Variants in SETD5 observed in about 807,000 individuals in gnomAD.
The protein encoded by SETD5 is SET domain containing 5.
Under a neutral mutation model 153.3 loss-of-function variants are expected in SETD5, and 44 were observed. The ratio of observed to expected loss-of-function variants is 0.29; its 90% CI spans 0.23 to 0.37. The LOEUF is 0.37. Among genes scored for constraint, SETD5 ranks in the 10% least tolerant of loss-of-function variants. The pLI, the probability that SETD5 is intolerant of heterozygous loss-of-function variation, is 1.00. For synonymous variants in SETD5, 716 were observed against 645.2 expected (o/e 1.11, Z -1.66); for missense variants, 1,544 against 1,768.0 (o/e 0.87, Z 2.27).
chr3:9,470,058 T>A (rs748798003), intron 18 of SETD5, among the ~76,000 whole-genome samples: 2 of 152,168 alleles, frequency 1.3e-5, no homozygotes, highest in Admixed American at 6.5e-5. Context: ...AAGCCAGTTA[T>A]CTTAAGACAC....
intron 3 of SETD5, among the ~76,000 whole-genome samples, chr3:9,432,076 C>A (rs1467827632): frequency 1.3e-5 from 2 of 151,980 alleles, no homozygotes; most frequent in Admixed American, 6.6e-5. Context: ...GAAACCCCAC[C>A]TGTTTCCTAA....
chr3:9,457,705 A>G (rs975153697), intron 17 of SETD5, among the ~76,000 whole-genome samples: 18 of 150,124 alleles, frequency 1.2e-4, no homozygotes, highest in Non-Finnish European at 2.2e-4. Context: ...TTACTGAGAA[A>G]TATTTTTAAA....
chr3:9,400,338 C>T (rs1220928180), intron 1 of SETD5, among the ~76,000 whole-genome samples: 2 of 152,070 alleles, frequency 1.3e-5, no homozygotes, highest in East Asian at 1.9e-4. Flanking sequence ...AGTTTAAAAA[C>T]CCAAGTAATA....
chr3:9,424,694 A>G (rs755603152), intron 2 of SETD5, among the ~76,000 whole-genome samples, 168 bp downstream of exon 2: 1 of 152,242 alleles, frequency 6.6e-6, no homozygotes, highest in African/African-American at 2.4e-5. Context: ...AGCAGTGGAT[A>G]AAAATCCCTG....
intron 17 of SETD5, 197 bp downstream of exon 17, chr3:9,454,065 C>G (rs1166750267): frequency 2.2e-6 from 1 of 447,618 alleles, no homozygotes; most frequent in Non-Finnish European, 3.7e-6. Flanking sequence ...AAGGACTAGA[C>G]AGTGTACAGA....
At position 9,477,701 on chromosome 3, in the gene SETD5, T is replaced by TTA. The variant is rs1553642887; in HGVS notation, c.*1610_*1611insTA. 3 of 146,354 alleles carry TTA rather than the reference T, an allele frequency of 2.0e-5. No homozygotes were observed. The highest frequency in any genetic ancestry group is 8.0e-5 in the African/African-American group (3 of 37,320). 9.1% of individuals were successfully genotyped at this position (146,354 alleles called of 1,614,324 possible). A position where few individuals can be genotyped will look rare whatever the true frequency, so the allele number is the denominator to read the frequency against. On this transcript the variant is annotated 3_prime_UTR_variant, in exon 23 of 23. Coordinates refer to ENST00000402198, the MANE Select transcript of SETD5 (RefSeq NM_001080517.3). ...GAGATTTTTTTTTTTTTTTTTTTTT[T>TTA]AAATGCTGAGACCTCAGCAGAGTAC...
intron 17 of SETD5, among the ~76,000 whole-genome samples, chr3:9,457,505 C>CTAA (rs532554399): frequency 2.0e-5 from 3 of 150,320 alleles, no homozygotes; most frequent in Middle Eastern, 7.0e-3. Context: ...TATATATATA[C>CTAA]TAATAATAAT....
chr3:9,460,622 C>T (rs1234728975), intron 17 of SETD5, among the ~76,000 whole-genome samples: 2 of 151,920 alleles, frequency 1.3e-5, no homozygotes, highest in Non-Finnish European at 2.9e-5. Context: ...CGGAAATAAA[C>T]ATTCAGAAGA....
chr3:9,423,576 C>T (rs1189611629), intron 1 of SETD5, among the ~76,000 whole-genome samples: 1 of 151,970 alleles, frequency 6.6e-6, no homozygotes, highest in Admixed American at 6.6e-5. Context: ...TTATTTCTTC[C>T]TTCCTTTTAC....
intron 1 of SETD5, among the ~76,000 whole-genome samples, chr3:9,401,861 T>A (rs1394520009): frequency 6.6e-6 from 1 of 152,270 alleles, no homozygotes; most frequent in African/African-American, 2.4e-5. Flanking sequence ...TTGACCAGTA[T>A]ATTTTGTTTG....
Position 9,464,621 on chromosome 3 carries a change from A to C in SETD5, c.2673A>C (p.Pro891=). 6.2e-7 allele frequency: 1 copy of C among 1,614,004 alleles called. No individual in the cohort carries two copies. The highest frequency in any genetic ancestry group is 2.2e-5 in the East Asian group (1 of 44,880). The change falls in exon 18 of 23, where the codon CCA becomes CCC. Residue 891 remains proline (P), a synonymous_variant. Coordinates refer to ENST00000402198, the MANE Select transcript of SETD5 (RefSeq NM_001080517.3). ...CRNGYSLMFS[P]VTSLTTASRC... is the part of the protein sequence containing the mutation. Reference sequence around the variant, plus strand: ...ATGGATACAGCCTCATGTTTTCACCAGTCACATCTCTTACTACTGCTAGTC... The same window carrying C: ...ATGGATACAGCCTCATGTTTTCACCCGTCACATCTCTTACTACTGCTAGTC...
At chr3:9,456,739 C>T (rs2043295730) in intron 17 of SETD5, among the ~76,000 whole-genome samples, 1 of 152,078 alleles carries the variant, frequency 6.6e-6, no homozygotes, top group Non-Finnish European at 1.5e-5. Flanking sequence ...CTTTGGGAGG[C>T]TGAGGCGGGC....
chr3:9,431,563 A>T, intron 3 of SETD5: 1 of 985,492 alleles, frequency 1.0e-6, no homozygotes, highest in Non-Finnish European at 1.2e-6. Flanking sequence ...TGGAAATTGC[A>T]GAGTTTCTTC....
chr3:9,442,137 C>G lies in SETD5; in HGVS notation c.969C>G (p.Pro323=). 1.2e-6 allele frequency: 2 copies of G among 1,609,774 alleles called. No homozygotes were observed. Among genetic ancestry groups the G allele is most frequent in the Non-Finnish European group, 1.7e-6 (2 of 1,177,728 alleles). The change falls in exon 10 of 23, where the codon CCC becomes CCG. Residue 323 remains proline, a synonymous_variant. Transcript: ENST00000402198. ...VNGHFFKKPY[P]FVLFYSKFNG... is the part of the protein sequence containing the mutation. ...TTAATTGTATCCCTAGACCATACCC[C>G]TTTGTGCTCTTCTACTCAAAATTCA...
chr3:9,439,054 C>T (rs192862874), intron 7 of SETD5, among the ~76,000 whole-genome samples: 1 of 152,286 alleles, frequency 6.6e-6, no homozygotes, highest in Non-Finnish European at 1.5e-5. Flanking sequence ...ATACAGTACA[C>T]TTATCAAGTG....
intron 15 of SETD5, among the ~76,000 whole-genome samples, 178 bp downstream of exon 15, chr3:9,448,184 C>T (rs1408029811): frequency 6.6e-6 from 1 of 152,144 alleles, no homozygotes; most frequent in Non-Finnish European, 1.5e-5. Flanking sequence ...TTTTAGTCAG[C>T]TTAAATCACT....
intron 7 of SETD5, chr3:9,436,817 T>A: frequency 6.5e-7 from 1 of 1,547,094 alleles, no homozygotes; most frequent in Non-Finnish European, 8.7e-7. Context: ...TACCAAGTTT[T>A]GTTTGTTCTA....
chr3:9,435,211 C>A (rs1173345527), intron 6 of SETD5, among the ~76,000 whole-genome samples: 1 of 148,368 alleles, frequency 6.7e-6, no homozygotes, highest in African/African-American at 2.5e-5. Context: ...CCAGTGCACT[C>A]CAGCCTGGGC....
intron 19 of SETD5, 58 bp from the exon 20 acceptor site, chr3:9,473,178 C>T (rs1289719561): frequency 2.6e-6 from 4 of 1,538,840 alleles, no homozygotes; most frequent in Non-Finnish European, 2.6e-6. Flanking sequence ...TGCTGGTGAT[C>T]CACTAATGAT....
Sources: allele counts gnomAD v4.1 joint callset (sites outside exome capture counted in the v4.1 genomes callset), GRCh38; gene constraint gnomAD v4.1.1; transcripts MANE v1.5; gene names NCBI Gene and HGNC (gene_info 2026-07-23, HGNC 2026-07-21).